SLC24A2: variants seen among roughly 807,000 people sequenced by gnomAD.
The protein encoded by SLC24A2 is solute carrier family 24 member 2, also known as sodium/potassium/calcium exchanger 2.
Under a neutral mutation model 62.0 loss-of-function variants are expected in SLC24A2, and 36 were observed. The ratio of observed to expected loss-of-function variants is 0.58; its 90% CI spans 0.44 to 0.77. SLC24A2 has a LOEUF of 0.77. Among genes scored for constraint, SLC24A2 ranks in the 30% least tolerant of loss-of-function variants. The pLI, the probability that SLC24A2 is intolerant of heterozygous loss-of-function variation, is 0.00. For synonymous variants in SLC24A2, 358 were observed against 294.0 expected (o/e 1.22, Z -2.23); for missense variants, 846 against 817.9 (o/e 1.03, Z -0.42).
the SLC24A2 span, among the ~76,000 whole-genome samples, chr9:20,232,778 C>T: frequency 6.6e-6 from 1 of 152,132 alleles, no homozygotes; most frequent in East Asian, 1.9e-4. Context: ...CTTCTGCTAG[C>T]TTTTGAATGT....
At chr9:19,789,074 G>T (rs1256444435), upstream of SLC24A2, among the ~76,000 whole-genome samples, 1 of 152,212 alleles carries the variant, frequency 6.6e-6, no homozygotes, top group Non-Finnish European at 1.5e-5. Flanking sequence ...GTCTGGCGCT[G>T]CCCGGCCCCC....
chr9:20,297,529 A>G, the SLC24A2 span, among the ~76,000 whole-genome samples: 1 of 152,244 alleles, frequency 6.6e-6, no homozygotes, highest in Non-Finnish European at 1.5e-5. Flanking sequence ...TCTCACTCTG[A>G]TTAGTCACTG....
At chr9:19,702,438 C>T (rs899812334) in intron 2 of SLC24A2, among the ~76,000 whole-genome samples, 2 of 152,202 alleles carry the variant, frequency 1.3e-5, no homozygotes, top group Non-Finnish European at 2.9e-5. Flanking sequence ...TCTCGATACA[C>T]TTTGGGGTTC....
the SLC24A2 span, among the ~76,000 whole-genome samples, chr9:20,059,802 T>G: frequency 6.6e-6 from 1 of 151,780 alleles, no homozygotes; most frequent in East Asian, 1.9e-4. Context: ...GAATGAAAAT[T>G]AGAGCAGAGA....
intron 4 of SLC24A2, among the ~76,000 whole-genome samples, chr9:19,597,490 G>A (rs1159903327): frequency 1.3e-5 from 2 of 152,294 alleles, no homozygotes; most frequent in Non-Finnish European, 2.9e-5. Flanking sequence ...GCTACCGGGG[G>A]TAGAGTGTGC....
the SLC24A2 span, among the ~76,000 whole-genome samples, chr9:19,966,205 A>T: frequency 6.6e-6 from 1 of 152,188 alleles, no homozygotes; most frequent in Non-Finnish European, 1.5e-5. Flanking sequence ...AATAAAAATC[A>T]AACAGGATAT....
chr9:19,956,095 G>A, the SLC24A2 span, among the ~76,000 whole-genome samples: 1 of 152,202 alleles, frequency 6.6e-6, no homozygotes, highest in Admixed American at 6.5e-5. Context: ...AACAAGGCAG[G>A]GAGAGGAGAG....
At chr9:19,715,075 G>A (rs185387006) in intron 2 of SLC24A2, among the ~76,000 whole-genome samples, 9 of 151,760 alleles carry the variant, frequency 5.9e-5, no homozygotes, top group East Asian at 5.8e-4. Flanking sequence ...ACCAAACACC[G>A]TAATAATAAT....
intron 2 of SLC24A2, among the ~76,000 whole-genome samples, chr9:19,782,556 T>C (rs573835971): frequency 2.6e-5 from 4 of 152,342 alleles, no homozygotes; most frequent in African/African-American, 7.2e-5. Flanking sequence ...ACAGCAAATA[T>C]TATATAACCC....
chr9:19,747,472 G>A (rs139001934), intron 2 of SLC24A2, among the ~76,000 whole-genome samples: 1 of 152,082 alleles, frequency 6.6e-6, no homozygotes, highest in African/African-American at 2.4e-5. Flanking sequence ...CTGTAAAAGA[G>A]GGATAATAAT....
chr9:20,007,952 G>C, the SLC24A2 span, among the ~76,000 whole-genome samples: 1 of 127,920 alleles, frequency 7.8e-6, no homozygotes, highest in South Asian at 2.6e-4. Flanking sequence ...CTGGAGTGAA[G>C]TGGCATGATC....
chr9:20,157,476 C>T, the SLC24A2 span, among the ~76,000 whole-genome samples: 1 of 151,584 alleles, frequency 6.6e-6, no homozygotes, highest in Non-Finnish European at 1.5e-5. Flanking sequence ...AAAAAGAAAA[C>T]CACCCTCGGA....
At chr9:20,273,385 C>T in the SLC24A2 span, among the ~76,000 whole-genome samples, 1 of 152,132 alleles carries the variant, frequency 6.6e-6, no homozygotes, top group Non-Finnish European at 1.5e-5. Context: ...CAAAAAGCAT[C>T]CAAAGTGATA....
the SLC24A2 span, among the ~76,000 whole-genome samples, chr9:20,241,027 C>T: frequency 6.6e-6 from 1 of 152,198 alleles, no homozygotes; most frequent in Non-Finnish European, 1.5e-5. Context: ...ATCCACTCTC[C>T]TCCTGGAAGA....
At chr9:19,710,868 C>A (rs1193708280) in intron 2 of SLC24A2, among the ~76,000 whole-genome samples, 1 of 152,108 alleles carries the variant, frequency 6.6e-6, no homozygotes, top group Non-Finnish European at 1.5e-5. Flanking sequence ...ATGATCCTAC[C>A]CTCAAGCCAG....
the SLC24A2 span, among the ~76,000 whole-genome samples, chr9:20,138,857 A>G: frequency 6.6e-6 from 1 of 152,168 alleles, no homozygotes; most frequent in South Asian, 2.1e-4. Flanking sequence ...CAACCTCAAG[A>G]AGTCATTTCG....
chr9:20,298,764 A>C, the SLC24A2 span, among the ~76,000 whole-genome samples: 1 of 152,378 alleles, frequency 6.6e-6, no homozygotes, highest in South Asian at 2.1e-4. Context: ...TACTATCTTC[A>C]TTTTAGAAAT....
chr9:19,694,144 C>A (rs548684241), intron 2 of SLC24A2, among the ~76,000 whole-genome samples: 1 of 151,684 alleles, frequency 6.6e-6, no homozygotes, highest in Non-Finnish European at 1.5e-5. Context: ...AATAAACATG[C>A]TTTTAAAGAT....
chr9:19,769,567 C>G (rs781223626), intron 2 of SLC24A2, among the ~76,000 whole-genome samples: 2 of 152,232 alleles, frequency 1.3e-5, no homozygotes, highest in Non-Finnish European at 2.9e-5. Context: ...TGTTTTGACC[C>G]TACACTTACT....
Sources: allele counts gnomAD v4.1 joint callset (sites outside exome capture counted in the v4.1 genomes callset), GRCh38; gene constraint gnomAD v4.1.1; transcripts MANE v1.5; gene names NCBI Gene and HGNC (gene_info 2026-07-23, HGNC 2026-07-21).